ARID2: variants seen among roughly 807,000 people sequenced by gnomAD.
ARID2 encodes AT-rich interactive domain-containing protein 2.
A neutral mutation model predicts 184.6 loss-of-function variants in ARID2; 32 were observed. The ratio of observed to expected loss-of-function variants is 0.17; its 90% CI spans 0.13 to 0.23. ARID2 has a LOEUF of 0.23. Among genes scored for constraint, ARID2 ranks in the 10% least tolerant of loss-of-function variants. The pLI, the probability that ARID2 is intolerant of heterozygous loss-of-function variation, is 1.00. For missense variants in ARID2, 1,696 were observed against 2,197.6 expected, an observed-to-expected ratio of 0.77 and a Z score of 4.56; for synonymous variants, 836 against 772.6, an observed-to-expected ratio of 1.08 and a Z score of -1.36.
chr12:45,832,839 T>G (rs1169998630), intron 6 of ARID2, among the ~76,000 whole-genome samples: 1 of 152,220 alleles, frequency 6.6e-6, no homozygotes, highest in East Asian at 1.9e-4. Context: ...GTATTAGGTA[T>G]ACTGTATTTA....
In ARID2 at chr12:45,906,141, G is replaced by C. The variant is rs1944528416; in HGVS notation, c.*1063G>C. 1 of 232,232 alleles carries C rather than the reference G, an allele frequency of 4.3e-6. No homozygotes were observed. The allele number at this position is 232,232 out of a possible 1,614,324, so 14.4% of individuals were successfully genotyped here. On this transcript the variant is annotated 3_prime_UTR_variant, in exon 21 of 21. Coordinates refer to ENST00000334344, the MANE Select transcript of ARID2 (RefSeq NM_152641.4). ...AGCTTGGACAGAATTTTTTGTATTT[G>C]TAAATTGGTTTAAATACATGGAATT...
intron 3 of ARID2, among the ~76,000 whole-genome samples, chr12:45,769,335 A>G (rs903995144): frequency 5.3e-5 from 8 of 152,258 alleles, no homozygotes; most frequent in African/African-American, 7.2e-5. Flanking sequence ...GAGAATGTCA[A>G]TAAAGATACA....
intron 3 of ARID2, among the ~76,000 whole-genome samples, chr12:45,766,292 T>C (rs1331690037): frequency 6.9e-6 from 1 of 145,038 alleles, no homozygotes; most frequent in African/African-American, 2.6e-5. Context: ...CTCAGCCTCC[T>C]GAGTAGGTGG....
chr12:45,761,410 T>A (rs535691334), intron 3 of ARID2, among the ~76,000 whole-genome samples: 1 of 152,352 alleles, frequency 6.6e-6, no homozygotes, highest in African/African-American at 2.4e-5. Flanking sequence ...GGTCTTTTTT[T>A]TGTGGTAAAC....
intron 3 of ARID2, among the ~76,000 whole-genome samples, chr12:45,731,702 C>T (rs1390048218): frequency 1.3e-5 from 2 of 151,420 alleles, no homozygotes; most frequent in Non-Finnish European, 2.9e-5. Context: ...TTGGAAACTC[C>T]TTTAGTTTTA....
At chr12:45,880,625 T>C (rs1944084919) in intron 16 of ARID2, among the ~76,000 whole-genome samples, 1 of 152,250 alleles carries the variant, frequency 6.6e-6, no homozygotes, top group Admixed American at 6.5e-5. Flanking sequence ...GCACTCATTT[T>C]ATAATTATGA....
chr12:45,885,227 A>G (rs942283340), intron 16 of ARID2, among the ~76,000 whole-genome samples: 4 of 152,014 alleles, frequency 2.6e-5, no homozygotes, highest in African/African-American at 9.7e-5. Flanking sequence ...TTCTTTTGTC[A>G]TAGAATATAT....
chr12:45,844,128 C>A (rs767784337), intron 11 of ARID2, among the ~76,000 whole-genome samples: 1 of 152,028 alleles, frequency 6.6e-6, no homozygotes, highest in Admixed American at 6.6e-5. Context: ...GTGTTGAGCT[C>A]GGGAGCTCAA....
At chr12:45,894,434 A>C (rs1944341759) in intron 20 of ARID2, among the ~76,000 whole-genome samples, 1 of 151,904 alleles carries the variant, frequency 6.6e-6, no homozygotes, top group Admixed American at 6.6e-5. Context: ...CCATCTCCTT[A>C]ATGTATTTTG....
chr12:45,865,224 TC>T lies in ARID2; in HGVS notation c.4922+4276del, dbSNP rs1943813809. 2.6e-5 allele frequency among the ~76,000 whole-genome samples: 4 copies of T among 152,128 alleles called. No homozygotes were observed. In the South Asian group the frequency reaches 8.3e-4, roughly 32 times the overall value. ...GATTAAGTACAACAAGGTTTTTACT[TC>T]GTTTTATCATTTTCACACCTGTACC... On this transcript the variant is annotated intron_variant, in intron 16 of 20. Transcript: ENST00000334344.
rs550765862 is a variant in ARID2, at chr12:45,796,920, G to A, written c.285-14498G>A. Among the ~76,000 whole-genome samples the A allele has an allele frequency of 5.3e-5, 8 of 152,216 alleles. No individual in the cohort carries two copies. The South Asian group carries it at 1.7e-3, about 32-fold the overall frequency. ...TATTGTTAAATTATCCTTCAGAACCGATATAACACTATGTATTTCTACTCT... is the reference window on the plus strand; with the variant it reads ...TATTGTTAAATTATCCTTCAGAACCAATATAACACTATGTATTTCTACTCT... On this transcript the variant is annotated intron_variant, in intron 3 of 20. Coordinates refer to ENST00000334344, the MANE Select transcript of ARID2 (RefSeq NM_152641.4).
chr12:45,846,262 T>A (rs1943437978), intron 11 of ARID2, among the ~76,000 whole-genome samples: 1 of 152,106 alleles, frequency 6.6e-6, no homozygotes, highest in Non-Finnish European at 1.5e-5. Flanking sequence ...CCCAGAAAAA[T>A]TATGGAAATC....
rs558684922 is a variant in ARID2 at position 45,812,512 on chromosome 12, GA to G, written c.418+962del. ...ATCTCCATTAGAAGAGGCTTCATCT[GA>G]TGCTTTTGTATAATTGGGGTAGGGG... On this transcript the variant is annotated intron_variant, in intron 4 of 20. Coordinates refer to ENST00000334344, the MANE Select transcript of ARID2 (RefSeq NM_152641.4). 3.7e-4 allele frequency among the ~76,000 whole-genome samples: 57 copies of G among 152,260 alleles called. No individual in the cohort carries two copies. In the East Asian group the frequency reaches 9.9e-3, roughly 26 times the overall value.
intron 3 of ARID2, among the ~76,000 whole-genome samples, chr12:45,801,961 G>T (rs1031526013): frequency 3.3e-5 from 5 of 152,064 alleles, no homozygotes; most frequent in African/African-American, 1.2e-4. Flanking sequence ...GTTTTTAAAG[G>T]GTTCAAGCCT....
At chr12:45,831,536 T>C (rs186958288) in intron 6 of ARID2, among the ~76,000 whole-genome samples, 16 of 152,344 alleles carry the variant, frequency 1.1e-4, no homozygotes, top group Middle Eastern at 3.4e-3. Context: ...ATTCCACTTA[T>C]ACATTTTTAG....
chr12:45,849,511 A>T lies in ARID2; in HGVS notation c.1716-69A>T, dbSNP rs1470764019. 2.3e-6 allele frequency: 3 copies of T among 1,280,398 alleles called. No individual in the cohort carries two copies. The African/African-American group carries it at 4.4e-5, about 19-fold the overall frequency. The allele number at this position is 1,280,398 out of a possible 1,614,324, so 79.3% of individuals were successfully genotyped here. On this transcript the variant is annotated intron_variant, in intron 13 of 20. Coordinates refer to ENST00000334344, the MANE Select transcript of ARID2 (RefSeq NM_152641.4). ...AACAGTAAACATACTGCTGTTGTTC[A>T]TGTAAACATAATGTTAGAAGTCAAT...
At chr12:45,808,766 T>C (rs1421113754) in intron 3 of ARID2, among the ~76,000 whole-genome samples, 1 of 151,994 alleles carries the variant, frequency 6.6e-6, no homozygotes, top group Non-Finnish European at 1.5e-5. Flanking sequence ...TGTGTATGTG[T>C]GTGTGTGTGT....
chr12:45,868,372 C>G (rs562182358), intron 16 of ARID2, among the ~76,000 whole-genome samples: 2 of 152,252 alleles, frequency 1.3e-5, no homozygotes, highest in Non-Finnish European at 2.9e-5. Flanking sequence ...ACCCAGGAGG[C>G]AGAGGTTGCA....
intron 5 of ARID2, among the ~76,000 whole-genome samples, chr12:45,819,502 T>G (rs1309537054): frequency 6.6e-6 from 1 of 152,166 alleles, no homozygotes; most frequent in Non-Finnish European, 1.5e-5. Context: ...GTTGTAGACA[T>G]ATTTTATTTG....
Sources: gnomAD v4.1 joint callset for allele counts (sites outside exome capture counted in the v4.1 genomes callset) on GRCh38, gnomAD v4.1.1 for gene constraint, MANE v1.5 for transcripts, NCBI Gene and HGNC (gene_info 2026-07-23, HGNC 2026-07-21) for gene names.